CAMTA1: variants seen among roughly 807,000 people sequenced by gnomAD.
The protein encoded by CAMTA1 is calmodulin binding transcription activator 1, also known as calmodulin-binding transcription activator 1.
CAMTA1 carries 27 observed loss-of-function variants against 170.9 expected under a neutral mutation model. The observed-to-expected ratio is 0.16, with a 90% CI of 0.12 to 0.22. The LOEUF is 0.22. Among genes scored for constraint, CAMTA1 ranks in the 10% least tolerant of loss-of-function variants. The probability of loss-of-function intolerance (pLI) is 1.00; values close to 1 mark genes in which losing one functional copy is unlikely to be tolerated. For missense variants in CAMTA1, 1,619 were observed against 2,217.2 expected (o/e 0.73, Z 5.42); for synonymous variants, 833 against 891.5 (o/e 0.93, Z 1.17).
chr1:7,456,719 T>G lies in CAMTA1; in HGVS notation c.439-11111T>G, dbSNP rs1382557669. Among the ~76,000 whole-genome samples the G allele has an allele frequency of 6.6e-6, 1 of 152,208 alleles. No individual in the cohort carries two copies. Among genetic ancestry groups the G allele is most frequent in the Non-Finnish European group, 1.5e-5 (1 of 68,032 alleles). Reference sequence around the variant, plus strand: ...TGCAGGTCTCCAGCTCCCGCTTGGCTGGGCCTGTGCAGGGTGAGGAGCTGG... The same window carrying G: ...TGCAGGTCTCCAGCTCCCGCTTGGCGGGGCCTGTGCAGGGTGAGGAGCTGG... On this transcript the variant is annotated intron_variant, in intron 5 of 22. Transcript: ENST00000303635. This position sits in a 1 kb window ranked among gnomAD's most constrained non-coding sequence, Gnocchi z 4.9.
intron 22 of CAMTA1, among the ~76,000 whole-genome samples, chr1:7,756,260 A>G (rs1169012483): frequency 6.6e-6 from 1 of 152,100 alleles, no homozygotes; most frequent in Non-Finnish European, 1.5e-5. Flanking sequence ...CCCTTTCAGA[A>G]CAAACCCAGG....
In CAMTA1 at chr1:7,547,339, G is replaced by C. The variant is rs1320610425; in HGVS notation, c.510+79438G>C. 7.5e-6 allele frequency among the ~76,000 whole-genome samples: 1 copy of C among 133,956 alleles called. No individual in the cohort carries two copies. The highest frequency in any genetic ancestry group is 2.2e-4 in the East Asian group (1 of 4,478). 87.9% of individuals were successfully genotyped at this position (133,956 alleles called of 152,430 possible). On this transcript the variant is annotated intron_variant, in intron 6 of 22. Coordinates refer to ENST00000303635, the MANE Select transcript of CAMTA1 (RefSeq NM_015215.4). The surrounding 1 kb of genome is among the most constrained non-coding windows in gnomAD (Gnocchi z 5.7). ...CAGTAGATAGAGCTGGGGAATATAT[G>C]TATCATATGCACACACACACACACA...
intron 6 of CAMTA1, among the ~76,000 whole-genome samples, chr1:7,523,096 ACCTCAGGTAATCTG>A (rs2094387135): frequency 6.6e-6 from 1 of 152,178 alleles, no homozygotes. Flanking sequence ...CAAACTCCTG[ACCTCAGGTAATCTG>A]CCCGCCTTGG....
At chr1:7,496,980 G>A (rs1281842647) in intron 6 of CAMTA1, among the ~76,000 whole-genome samples, 3 of 150,684 alleles carry the variant, frequency 2.0e-5, no homozygotes, top group African/African-American at 4.9e-5. Flanking sequence ...GCCCGGGAAG[G>A]GAGGCATAAA....
At chr1:7,334,234 G>GA (rs376946881) in intron 5 of CAMTA1, among the ~76,000 whole-genome samples, 2 of 152,120 alleles carry the variant, frequency 1.3e-5, no homozygotes, top group South Asian at 2.1e-4. Flanking sequence ...AAGAAAGGGG[G>GA]AAAAAAATCA....
At chr1:7,737,079 A>T in intron 14 of CAMTA1, 70 bp downstream of exon 14, 1 of 1,403,132 alleles carries the variant, frequency 7.1e-7, no homozygotes, top group South Asian at 1.2e-5. Context: ...CCTGGTTCCC[A>T]CCGTTGTCTC....
chr1:6,811,669 G>A (rs912253994), intron 1 of CAMTA1, among the ~76,000 whole-genome samples: 5 of 152,170 alleles, frequency 3.3e-5, no homozygotes, highest in Non-Finnish European at 7.3e-5. Context: ...AATGTGGGTC[G>A]GAGAAACTCT....
intron 11 of CAMTA1, among the ~76,000 whole-genome samples, chr1:7,727,414 G>C (rs530086832): frequency 3.3e-5 from 5 of 152,146 alleles, no homozygotes; most frequent in Non-Finnish European, 5.9e-5. Flanking sequence ...GAGCCACCGC[G>C]CCCAGCCTCT....
rs370171593 is a variant in CAMTA1, at chr1:7,231,968, A to G, written c.303-17523A>G. On this transcript the variant is annotated intron_variant, in intron 4 of 22. Transcript: ENST00000303635. Reference sequence around the variant, plus strand: ...CTGCCCTCATGGAGACCCCAGCAGCAGGGATGGCTCAGCCTGCCAACTTTC... The same window carrying G: ...CTGCCCTCATGGAGACCCCAGCAGCGGGGATGGCTCAGCCTGCCAACTTTC... 4.7e-4 allele frequency among the ~76,000 whole-genome samples: 72 copies of G among 152,340 alleles called. No individual in the cohort carries two copies. In the South Asian group the frequency reaches 0.014, roughly 30 times the overall value.
At chr1:7,510,417 G>A (rs1337016193) in intron 6 of CAMTA1, among the ~76,000 whole-genome samples, 2 of 145,530 alleles carry the variant, frequency 1.4e-5, no homozygotes, top group African/African-American at 4.9e-5. Flanking sequence ...TCGCCCCTGG[G>A]GGCTCACCTG....
At chr1:7,619,021 G>A (rs573359858) in intron 6 of CAMTA1, among the ~76,000 whole-genome samples, 1 of 152,266 alleles carries the variant, frequency 6.6e-6, no homozygotes, top group South Asian at 2.1e-4. Context: ...TTTTAAGGAG[G>A]CCAGGGCCAG....
At chr1:7,036,983 A>C (rs12097009) in intron 3 of CAMTA1, among the ~76,000 whole-genome samples, 14 of 152,124 alleles carry the variant, frequency 9.2e-5, no homozygotes, top group Non-Finnish European at 2.1e-4. Flanking sequence ...ACAGCCTGCT[A>C]TAGGAAGACT....
At chr1:7,388,464 A>G (rs1446894332) in intron 5 of CAMTA1, 1 of 152,234 alleles carries the variant, frequency 6.6e-6, no homozygotes, top group Non-Finnish European at 1.5e-5. Context: ...CGTGGATCCA[A>G]CCCACACTCC....
chr1:6,820,334 C>A, intron 2 of CAMTA1, 84 bp downstream of exon 2: 2 of 1,410,652 alleles, frequency 1.4e-6, no homozygotes, highest in Non-Finnish European at 2.0e-6. Context: ...GTGGAAACAG[C>A]CTTCAGCCCG....
chr1:7,391,505 A>G (rs1397234861), intron 5 of CAMTA1, among the ~76,000 whole-genome samples: 2 of 152,150 alleles, frequency 1.3e-5, no homozygotes, highest in Admixed American at 6.5e-5. Context: ...CTGGAGATAC[A>G]ATTAACATAT....
At chr1:7,265,201 T>C (rs1668735844) in intron 5 of CAMTA1, among the ~76,000 whole-genome samples, 1 of 152,196 alleles carries the variant, frequency 6.6e-6, no homozygotes. Context: ...CCACATGTGG[T>C]GGTGAGTCCT....
chr1:7,116,945 C>T (rs1264627844), intron 4 of CAMTA1, among the ~76,000 whole-genome samples: 1 of 151,550 alleles, frequency 6.6e-6, no homozygotes, highest in African/African-American at 2.4e-5. Context: ...AGCCACTGCG[C>T]CCGGCCAACT....
At chr1:7,383,426 C>T (rs113932361) in intron 5 of CAMTA1, among the ~76,000 whole-genome samples, 240 of 152,250 alleles carry the variant, frequency 1.6e-3, no homozygotes, top group Non-Finnish European at 2.4e-3. Flanking sequence ...AGATTCAAAC[C>T]GGTTAAAACC....
At chr1:7,745,155 A>C in intron 17 of CAMTA1, 133 bp downstream of exon 17, 2 of 800,552 alleles carry the variant, frequency 2.5e-6, no homozygotes, top group Non-Finnish European at 3.9e-6. Flanking sequence ...CATGAGGACA[A>C]GCTCTGTTGC....
Sources: allele counts gnomAD v4.1 joint callset (sites outside exome capture counted in the v4.1 genomes callset), GRCh38; gene constraint gnomAD v4.1.1; non-coding constraint Gnocchi (gnomAD v3.1); transcripts MANE v1.5; gene names NCBI Gene and HGNC (gene_info 2026-07-23, HGNC 2026-07-21).